Variants in DOT1L observed in about 807,000 individuals in gnomAD.
DOT1L encodes DOT1 like histone lysine methyltransferase.
Under a neutral mutation model 153.3 loss-of-function variants are expected in DOT1L, and 33 were observed. The ratio of observed to expected loss-of-function variants is 0.22; its 90% CI spans 0.16 to 0.29. The LOEUF (loss-of-function observed/expected upper bound fraction) is 0.29, where lower values mean the gene tolerates loss of function less well. Among genes scored for constraint, DOT1L ranks in the 10% least tolerant of loss-of-function variants. The probability of loss-of-function intolerance (pLI) is 1.00; values close to 1 mark genes in which losing one functional copy is unlikely to be tolerated. For synonymous variants in DOT1L, 1,135 were observed against 965.1 expected (o/e 1.18, Z -3.26); for missense variants, 1,847 against 2,119.9 (o/e 0.87, Z 2.53).
At chr19:2,185,818 C>G (rs777692065) in intron 2 of DOT1L, 37 bp from the exon 3 acceptor site, 6 of 1,607,070 alleles carry the variant, frequency 3.7e-6, no homozygotes, top group Admixed American at 1.7e-5. Flanking sequence ...CAAAAAAAAC[C>G]AAACCCTTCC....
chr19:2,214,116 C>T lies in DOT1L; in HGVS notation c.1797+130C>T, dbSNP rs879205752. 5 of 1,397,544 alleles carry T rather than the reference C, an allele frequency of 3.6e-6. No individual in the cohort carries two copies. The African/African-American group carries it at 4.3e-5, about 12-fold the overall frequency. 86.6% of individuals were successfully genotyped at this position (1,397,544 alleles called of 1,614,324 possible). On this transcript the variant is annotated intron_variant, in intron 18 of 27. Transcript: ENST00000398665. ...GTGGGGTTTGTTCCCAGACGAATTG[C>T]GCCACCTGTGAAAGCTTGTCGAGCG...
chr19:2,211,742 T>A lies in DOT1L; in HGVS notation c.1466-9T>A, dbSNP rs1245962064. The A allele has an allele frequency of 6.4e-7, 1 of 1,557,542 alleles. No homozygotes were observed. The highest frequency in any genetic ancestry group is 1.9e-5 in the Admixed American group (1 of 51,682). ...TCTCTTCTCACCTGTGTTCCGCCTCTCTTCCCAGAGTCCTTCAAGATCCAG... is the reference window on the plus strand; with the variant it reads ...TCTCTTCTCACCTGTGTTCCGCCTCACTTCCCAGAGTCCTTCAAGATCCAG... On this transcript the variant is annotated splice_polypyrimidine_tract_variant and intron_variant, in intron 15 of 27. Transcript: ENST00000398665.
Position 2,213,631 on chromosome 19 carries a change from A to G in DOT1L, c.1650A>G (p.Lys550=). The G allele has an allele frequency of 6.2e-7, 1 of 1,613,766 alleles. No individual in the cohort carries two copies. The highest frequency in any genetic ancestry group is 8.5e-7 in the Non-Finnish European group (1 of 1,179,946). The change falls in exon 17 of 28, where the codon AAA becomes AAG. Residue 550 remains lysine, a synonymous_variant. Transcript: ENST00000398665. The part of the protein sequence containing the change: ...KEEIRRLFQQ[K]LDELGVKALT... ...AGATCAGGAGGCTGTTTCAGCAAAA[A>G]TTGGATGAGGTAGTGGACCCCAGAG... is the stretch of plus-strand genomic sequence containing the variant.
At chr19:2,211,657 C>T (rs1599595456) in intron 15 of DOT1L, 94 bp from the exon 16 acceptor site, 21 of 1,114,342 alleles carry the variant, frequency 1.9e-5, no homozygotes, top group South Asian at 1.6e-4. Flanking sequence ...TGACACCTGC[C>T]GAGGCCTGGG....
At chr19:2,181,696 C>T (rs2022241439) in intron 2 of DOT1L, among the ~76,000 whole-genome samples, 1 of 152,086 alleles carries the variant, frequency 6.6e-6, no homozygotes, top group Non-Finnish European at 1.5e-5. Context: ...TAAAAGAAGT[C>T]TGGTGTTATG....
Position 2,229,874 on chromosome 19 carries a change from G to A in DOT1L, c.*82G>A, listed in dbSNP as rs1283198008. On this transcript the variant is annotated 3_prime_UTR_variant, in exon 28 of 28. Coordinates refer to ENST00000398665, the MANE Select transcript of DOT1L (RefSeq NM_032482.3). ...GCGGCATGGTGCCCGCCGGCCTGCC[G>A]GGCTCCCACCCCTGGACGGCAGAGG... 1.4e-5 allele frequency: 22 copies of A among 1,610,086 alleles called. No homozygotes were observed. The highest frequency in any genetic ancestry group is 4.0e-5 in the African/African-American group (3 of 74,918).
chr19:2,167,590 C>T (rs867744164), intron 1 of DOT1L, among the ~76,000 whole-genome samples: 1 of 152,238 alleles, frequency 6.6e-6, no homozygotes, highest in East Asian at 1.9e-4. Flanking sequence ...TGGCCCACTG[C>T]CGGGCCCAGC....
intron 16 of DOT1L, 78 bp from the exon 17 acceptor site, chr19:2,213,461 A>G: frequency 7.0e-7 from 1 of 1,421,542 alleles, no homozygotes; most frequent in Non-Finnish European, 9.8e-7. Flanking sequence ...GAAGCATGAG[A>G]GGCAGGGCGT....
intron 3 of DOT1L, among the ~76,000 whole-genome samples, chr19:2,187,094 C>T (rs780557851): frequency 3.9e-5 from 6 of 152,212 alleles, no homozygotes; most frequent in Non-Finnish European, 8.8e-5. Context: ...TCTTTCTAAG[C>T]TTCTTACCGC....
intron 8 of DOT1L, among the ~76,000 whole-genome samples, chr19:2,200,461 T>G (rs1234225101): frequency 2.0e-5 from 3 of 152,196 alleles, no homozygotes; most frequent in African/African-American, 4.8e-5. Context: ...CCGCCACCTG[T>G]TTGTCCTGGT....
intron 12 of DOT1L, among the ~76,000 whole-genome samples, chr19:2,210,198 C>T (rs1043836940): frequency 3.9e-5 from 6 of 152,238 alleles, no homozygotes; most frequent in Admixed American, 1.3e-4. Context: ...TCCGTGCCCA[C>T]GGGTCACGTC....
chr19:2,229,876 G>C lies in DOT1L; in HGVS notation c.*84G>C. 1 of 1,609,888 alleles carries C rather than the reference G, an allele frequency of 6.2e-7. No individual in the cohort carries two copies. Among genetic ancestry groups the C allele is most frequent in the South Asian group, 1.1e-5 (1 of 91,006 alleles). On this transcript the variant is annotated 3_prime_UTR_variant, in exon 28 of 28. Coordinates refer to ENST00000398665, the MANE Select transcript of DOT1L (RefSeq NM_032482.3). ...GGCATGGTGCCCGCCGGCCTGCCGG[G>C]CTCCCACCCCTGGACGGCAGAGGCA... is the stretch of plus-strand genomic sequence containing the variant.
Position 2,223,243 on chromosome 19 carries a change from C to T in DOT1L, c.3391-38C>T, listed in dbSNP as rs112004833. Reference sequence around the variant, plus strand: ...GCTCTCCTGCCTTGGGGTCCCGGGTCTGTGGTATGTGCATCCATTGTGTCT... The same window carrying T: ...GCTCTCCTGCCTTGGGGTCCCGGGTTTGTGGTATGTGCATCCATTGTGTCT... On this transcript the variant is annotated intron_variant, in intron 24 of 27. Transcript: ENST00000398665. 1.3e-3 allele frequency: 2,046 copies of T among 1,607,030 alleles called. 4 individuals carry two copies. The highest frequency in any genetic ancestry group is 1.3e-3 in the Non-Finnish European group (1,573 of 1,175,588).
Position 2,226,373 on chromosome 19 carries a change from C to G in DOT1L, c.3852C>G (p.Ala1284=), listed in dbSNP as rs377156947. The change falls in exon 27 of 28, where the codon GCC becomes GCG. Residue 1284 remains alanine, a synonymous_variant. Coordinates refer to ENST00000398665, the MANE Select transcript of DOT1L (RefSeq NM_032482.3). ...GGCCCGCCCTGGAGGAGCCCTCTGC[C>G]GATGCCAAGCTGGCCGCTCACCCCA... is the stretch of plus-strand genomic sequence containing the variant. ...TFRPALEEPS[A]DAKLAAHPRK... is the part of the protein sequence containing the mutation. The G allele has an allele frequency of 1.3e-6, 2 of 1,592,710 alleles. No individual in the cohort carries two copies. Among genetic ancestry groups the G allele is most frequent in the South Asian group, 1.1e-5 (1 of 89,048 alleles).
At chr19:2,219,064 G>A (rs1238310463) in intron 22 of DOT1L, among the ~76,000 whole-genome samples, 1 of 152,206 alleles carries the variant, frequency 6.6e-6, no homozygotes, top group African/African-American at 2.4e-5. Flanking sequence ...TAGAGACAGG[G>A]TTTCACCATC....
chr19:2,223,185 G>T (rs1435923090), intron 24 of DOT1L, 96 bp from the exon 25 acceptor site: 34 of 1,366,404 alleles, frequency 2.5e-5, no homozygotes, highest in Non-Finnish European at 1.8e-5. Context: ...AGGAGACCCT[G>T]GGGTGCAGAC....
Position 2,223,281 on chromosome 19 carries a change from G to C in DOT1L, c.3391G>C (p.Val1131Leu), listed in dbSNP as rs1280963792. The change falls in exon 25 of 28, where the codon GTC becomes CTC. Residue 1131 changes from valine to leucine, a missense_variant and splice_region_variant. Coordinates refer to ENST00000398665, the MANE Select transcript of DOT1L (RefSeq NM_032482.3). Reference sequence around the variant, plus strand: ...ATCCATTGTGTCTGTCTGCCCTCAGGTCAGTAACATCAACCAGCCCCTGGA... The same window carrying C: ...ATCCATTGTGTCTGTCTGCCCTCAGCTCAGTAACATCAACCAGCCCCTGGA... ...SGSPLNLNSM[V>L]SNINQPLEIT... The C allele has an allele frequency of 6.2e-7, 1 of 1,613,372 alleles. No homozygotes were observed. Among genetic ancestry groups the C allele is most frequent in the South Asian group, 1.1e-5 (1 of 91,058 alleles).
At position 2,169,323 on chromosome 19, in the gene DOT1L, G is replaced by A. The variant is rs141927301; in HGVS notation, c.81+5058G>A. Among the ~76,000 whole-genome samples the A allele has an allele frequency of 2.8e-4, 42 of 152,334 alleles. 1 individual carries two copies. Among genetic ancestry groups the A allele is most frequent in the African/African-American group, 9.9e-4 (41 of 41,578 alleles). On this transcript the variant is annotated intron_variant, in intron 1 of 27. Transcript: ENST00000398665. ...TTAACCTTTAGGCAGCTTTGTGTGA[G>A]TAAAGGAGTCGCTTTAAATAGGAAG... is the stretch of plus-strand genomic sequence containing the variant.
intron 10 of DOT1L, 33 bp downstream of exon 10, chr19:2,206,830 C>T (rs1456313139): frequency 5.6e-6 from 9 of 1,596,162 alleles, no homozygotes; most frequent in South Asian, 1.1e-5. Flanking sequence ...ATGATGAACA[C>T]GGGTAATTTT....
Sources: gnomAD v4.1 joint callset for allele counts (sites outside exome capture counted in the v4.1 genomes callset) on GRCh38, gnomAD v4.1.1 for gene constraint, MANE v1.5 for transcripts, NCBI Gene and HGNC (gene_info 2026-07-23, HGNC 2026-07-21) for gene names.